The following PARG variants were observed in gnomAD, a reference collection of about 807,000 sequenced individuals.
PARG encodes mitochondrial poly(ADP-ribose) glycohydrolase.
PARG carries 35 observed loss-of-function variants against 113.0 expected under a neutral mutation model. That is an observed-to-expected ratio of 0.31 (90% CI 0.24 to 0.41). The LOEUF is 0.41. Ranked by LOEUF, PARG falls within the 10% of genes least tolerant of loss-of-function variation. PARG has a pLI of 1.00. For missense variants in PARG, 797 were observed against 1,169.4 expected, an observed-to-expected ratio of 0.68 and a Z score of 4.64; for synonymous variants, 330 against 409.9, an observed-to-expected ratio of 0.81 and a Z score of 2.36.
rs551469075 is a variant in PARG, at chr10:49,863,800, G to GC, written c.2129+1520dup. Among the ~76,000 whole-genome samples the GC allele has an allele frequency of 1.4e-4, 22 of 151,990 alleles. 1 individual carries two copies. The South Asian group carries it at 4.4e-3, about 30-fold the overall frequency. The stretch of plus-strand genomic sequence containing the variant: ...ATTCCAGGCACTATATTTTAAGAGG[G>GC]CCCAATGAATGGGAGTATGTTAAGA... On this transcript the variant is annotated intron_variant, in intron 11 of 17. Coordinates refer to ENST00000616448, the MANE Select transcript of PARG (RefSeq NM_003631.5).
chr10:49,862,935 T>C lies in PARG; in HGVS notation c.2130-1272A>G, dbSNP rs557789618. On this transcript the variant is annotated intron_variant, in intron 11 of 17. Transcript: ENST00000616448. Reference sequence around the variant, plus strand: ...AAGATAAAGAAGCATAATCTAAAAATCTCTGGGCTGTCAGTCAGGACTTCA... The same window carrying C: ...AAGATAAAGAAGCATAATCTAAAAACCTCTGGGCTGTCAGTCAGGACTTCA... 6.8e-5 allele frequency among the ~76,000 whole-genome samples: 10 copies of C among 147,756 alleles called. No individual in the cohort carries two copies. The East Asian group carries it at 1.8e-3, about 27-fold the overall frequency.
chr10:49,852,558 T>TTCC (rs1845802698), intron 13 of PARG, among the ~76,000 whole-genome samples: 1 of 145,004 alleles, frequency 6.9e-6, no homozygotes, highest in Admixed American at 6.8e-5. Flanking sequence ...GGCTACTTTC[T>TTCC]TCTTCTTCTT....
chr10:49,851,899 A>T (rs1185488737), intron 13 of PARG, among the ~76,000 whole-genome samples: 26 of 150,508 alleles, frequency 1.7e-4, no homozygotes, highest in Admixed American at 4.0e-4. Flanking sequence ...CAACAAACAG[A>T]GGGATAACAC....
In PARG at chr10:49,932,203, T is replaced by G. The variant is rs1450248104; in HGVS notation, c.1352A>C (p.Lys451Thr). Residue 451 changes from lysine (K) to threonine (T), a missense_variant, in exon 4 of 18, where the codon AAG (lysine) becomes ACG (threonine). Lys to Thr is a moderately conservative substitution (Grantham distance 78). Around this residue, in one of 5 missense-constraint regions of PARG, gnomAD observed 252 missense variants for 437.4 expected, o/e 0.58. Transcript: ENST00000616448. ...KYVPPHLSPDKKWLGTPIEEM... is the reference protein window; with the variant it reads ...KYVPPHLSPDTKWLGTPIEEM... ...CTCAATGGGAGTTCCAAGCCACTTC[T>G]TATCTGGAGAAAGGTGAGGTGGAAC... The G allele has an allele frequency of 1.2e-6, 2 of 1,602,182 alleles. No homozygotes were observed. Among genetic ancestry groups the G allele is most frequent in the Non-Finnish European group, 1.7e-6 (2 of 1,169,068 alleles).
chr10:49,934,130 T>C lies in PARG; in HGVS notation c.318A>G (p.Ile106Met), dbSNP rs1838627803. Residue 106 changes from isoleucine (I) to methionine (M), a missense_variant, in exon 3 of 18, where the codon ATA becomes ATG. Transcript: ENST00000616448. The part of the protein sequence containing the change: ...LDSKENNNTR[I>M]ESMMSSVQKD... ...TTTGTACAGAACTCATCATGGATTC[T>C]ATTCTTGTATTGTTGTTTTCTTTAC... is the stretch of plus-strand genomic sequence containing the variant. 1.8e-6 allele frequency: 2 copies of C among 1,118,910 alleles called. No individual in the cohort carries two copies. Among genetic ancestry groups the C allele is most frequent in the Non-Finnish European group, 2.7e-6 (2 of 728,074 alleles). The allele number at this position is 1,118,910 out of a possible 1,614,324, so 69.3% of individuals were successfully genotyped here.
intron 16 of PARG, among the ~76,000 whole-genome samples, chr10:49,832,297 C>T (rs553921523): frequency 6.6e-6 from 1 of 152,230 alleles, no homozygotes; most frequent in African/African-American, 2.4e-5. Flanking sequence ...CACTACAGCA[C>T]TCATTCCCAT....
chr10:49,897,420 T>C (rs549878021), intron 7 of PARG, among the ~76,000 whole-genome samples: 2 of 152,316 alleles, frequency 1.3e-5, no homozygotes, highest in South Asian at 4.1e-4. Flanking sequence ...GACTGCCCCT[T>C]ACTCTATGAC....
chr10:49,826,752 A>G (rs562200236), intron 16 of PARG, among the ~76,000 whole-genome samples: 1 of 152,216 alleles, frequency 6.6e-6, no homozygotes, highest in Non-Finnish European at 1.5e-5. Flanking sequence ...ATGAGAAGTA[A>G]TCCCAATTGG....
intron 4 of PARG, among the ~76,000 whole-genome samples, chr10:49,925,203 G>A (rs554398843): frequency 6.6e-6 from 1 of 152,020 alleles, no homozygotes; most frequent in South Asian, 2.1e-4. Flanking sequence ...CTGCTGTAGA[G>A]AATCCCCTTC....
intron 1 of PARG, among the ~76,000 whole-genome samples, chr10:49,939,337 T>C (rs1838903203): frequency 6.6e-6 from 1 of 152,210 alleles, no homozygotes; most frequent in Non-Finnish European, 1.5e-5. Context: ...TCCAGTGTTC[T>C]ACAAACTACA....
chr10:49,832,754 C>T lies in PARG; in HGVS notation c.2647+49G>A, dbSNP rs990888450. On this transcript the variant is annotated intron_variant, in intron 16 of 17. Coordinates refer to ENST00000616448, the MANE Select transcript of PARG (RefSeq NM_003631.5). ...TGAGAAATCTGGTTTGAAGGACTAACTTTTTTTGTGTGGGCAGAATGCTTT... is the reference window on the plus strand; with the variant it reads ...TGAGAAATCTGGTTTGAAGGACTAATTTTTTTTGTGTGGGCAGAATGCTTT... 18 of 1,124,458 alleles carry T rather than the reference C, an allele frequency of 1.6e-5. No individual in the cohort carries two copies. The African/African-American group carries it at 2.2e-4, about 14-fold the overall frequency. 69.7% of individuals were successfully genotyped at this position (1,124,458 alleles called of 1,614,324 possible). A position where few individuals can be genotyped will look rare whatever the true frequency, so the allele number is the denominator to read the frequency against.
chr10:49,880,560 T>C (rs1554839265), intron 8 of PARG, among the ~76,000 whole-genome samples: 1 of 152,234 alleles, frequency 6.6e-6, no homozygotes, highest in African/African-American at 2.4e-5. Flanking sequence ...GACCTGAGTA[T>C]TGTGTTCAGT....
chr10:49,846,338 AAAGG>A (rs1315393736), intron 13 of PARG, among the ~76,000 whole-genome samples: 3 of 151,902 alleles, frequency 2.0e-5, no homozygotes, highest in Non-Finnish European at 4.4e-5. Flanking sequence ...CTGACCAGAA[AAAGG>A]CTCAAGGGAA....
chr10:49,882,448 T>C (rs1847261777), intron 8 of PARG, among the ~76,000 whole-genome samples: 3 of 152,030 alleles, frequency 2.0e-5, no homozygotes, highest in South Asian at 2.1e-4. Context: ...ACAGCAGAGA[T>C]TGACTTTTCA....
intron 7 of PARG, among the ~76,000 whole-genome samples, chr10:49,914,393 T>G (rs1276169448): frequency 2.0e-5 from 3 of 152,246 alleles, no homozygotes; most frequent in African/African-American, 7.2e-5. Flanking sequence ...TTCAAGGATA[T>G]CTGAGATATC....
intron 1 of PARG, among the ~76,000 whole-genome samples, chr10:49,939,234 T>C: frequency 6.6e-6 from 1 of 152,348 alleles, no homozygotes. Context: ...AAATTTTAAA[T>C]CCATCCCTTC....
intron 16 of PARG, among the ~76,000 whole-genome samples, chr10:49,824,792 G>T (rs1844270103): frequency 6.6e-6 from 1 of 152,126 alleles, no homozygotes; most frequent in South Asian, 2.1e-4. Context: ...TGAAAATAAA[G>T]AAATTTAGGC....
chr10:49,933,358 C>T lies in PARG; in HGVS notation c.1090G>A (p.Val364Ile), dbSNP rs1838583155. ...CCTTCAAATTGGAAATGTAATCTAA[C>T]TTCACCGCCCTTAGTAGAGTACCGT... ...RKRYSTKGGE[V>I]RLHFQFEGGE... The change falls in exon 3 of 18, where the codon GTT becomes ATT. Residue 364 changes from valine to isoleucine, a missense_variant. Val to Ile is a conservative substitution (Grantham distance 29, BLOSUM62 3). This residue lies in a region of PARG where 252 missense variants were observed against 437.4 expected (regional missense o/e 0.58). Transcript: ENST00000616448. The T allele has an allele frequency of 2.5e-6, 4 of 1,612,852 alleles. No individual in the cohort carries two copies. The highest frequency in any genetic ancestry group is 3.4e-6 in the Non-Finnish European group (4 of 1,179,028).
At chr10:49,937,169 G>A (rs1838788302) in intron 1 of PARG, among the ~76,000 whole-genome samples, 2 of 152,180 alleles carry the variant, frequency 1.3e-5, no homozygotes, top group African/African-American at 4.8e-5. Flanking sequence ...AATACAGCAA[G>A]TATAGTTTAG....
Sources: gnomAD v4.1 joint callset for allele counts (sites outside exome capture counted in the v4.1 genomes callset) on GRCh38, gnomAD v4.1.1 for gene constraint, gnomAD v4.1.1 regional missense constraint, MANE v1.5 for transcripts, NCBI Gene and HGNC (gene_info 2026-07-23, HGNC 2026-07-21) for gene names.